Variants in RAB2A observed in about 807,000 individuals in gnomAD.
RAB2A encodes the protein RAB2A, member RAS oncogene family.
Under a neutral mutation model 32.5 loss-of-function variants are expected in RAB2A, and 7 were observed. That is an observed-to-expected ratio of 0.22 (90% CI 0.12 to 0.40). The LOEUF is 0.40. RAB2A is among the 10% of genes least tolerant of loss of function. The probability of loss-of-function intolerance (pLI) is 1.00; values close to 1 mark genes in which losing one functional copy is unlikely to be tolerated. For synonymous variants in RAB2A, 79 were observed against 85.2 expected (o/e 0.93, Z 0.40); for missense variants, 108 against 260.7 (o/e 0.41, Z 4.03).
intron 1 of RAB2A, among the ~76,000 whole-genome samples, chr8:60,520,376 G>T (rs1475468254): frequency 6.6e-6 from 1 of 152,142 alleles, no homozygotes; most frequent in Non-Finnish European, 1.5e-5. Context: ...GTGGAAAGTG[G>T]TTTTTAATAA....
chr8:60,538,694 A>C (rs963086385), intron 1 of RAB2A, among the ~76,000 whole-genome samples: 4 of 152,110 alleles, frequency 2.6e-5, no homozygotes, highest in Non-Finnish European at 5.9e-5. Context: ...TGGCCTGAGA[A>C]CTCCATGAAA....
At chr8:60,548,840 G>A (rs541375939) in intron 1 of RAB2A, among the ~76,000 whole-genome samples, 183 of 151,436 alleles carry the variant, frequency 1.2e-3, no homozygotes, top group African/African-American at 4.3e-3. Flanking sequence ...CCTCCCTCCC[G>A]GACGAGGTGG....
rs56406651 is a variant in RAB2A, at chr8:60,598,937, C to CAAAAAAAAAAAAAAAAAAAAAAA, written c.474+6975_474+6997dup. ...GGAAGTTCTAGCCAGTGCAGTAAAG[C>CAAAAAAAAAAAAAAAAAAAAAAA]AAAAAAAAAAAAAAAAAAAAAAAAA... On this transcript the variant is annotated intron_variant, in intron 6 of 7. Transcript: ENST00000262646. Among the ~76,000 whole-genome samples, 22 of 40,388 alleles carry CAAAAAAAAAAAAAAAAAAAAAAA rather than the reference C, an allele frequency of 5.4e-4. 3 individuals are homozygous for CAAAAAAAAAAAAAAAAAAAAAAA. The highest frequency in any genetic ancestry group is 1.5e-3 in the South Asian group (1 of 650). 26.5% of individuals were successfully genotyped at this position (40,388 alleles called of 152,430 possible).
At chr8:60,580,206 A>G (rs1803719716) in intron 3 of RAB2A, among the ~76,000 whole-genome samples, 1 of 151,380 alleles carries the variant, frequency 6.6e-6, no homozygotes. Flanking sequence ...CCAGTTGGTC[A>G]GGCTGGTCTC....
intron 2 of RAB2A, among the ~76,000 whole-genome samples, chr8:60,560,392 T>C (rs1157264318): frequency 6.6e-6 from 1 of 152,204 alleles, no homozygotes; most frequent in East Asian, 1.9e-4. Context: ...CTGGCCTGTT[T>C]AATGAGCTCT....
chr8:60,567,486 C>T (rs931718973), intron 2 of RAB2A, among the ~76,000 whole-genome samples: 2 of 152,018 alleles, frequency 1.3e-5, no homozygotes, highest in Non-Finnish European at 2.9e-5. Flanking sequence ...CTTGATCATC[C>T]TTGTGCATTT....
chr8:60,530,162 TGA>T (rs1157633045), intron 1 of RAB2A, among the ~76,000 whole-genome samples: 7 of 142,928 alleles, frequency 4.9e-5, no homozygotes, highest in Non-Finnish European at 7.5e-5. Flanking sequence ...TTTTTTTTTT[TGA>T]GAGAGAGAGA....
intron 1 of RAB2A, among the ~76,000 whole-genome samples, chr8:60,543,267 G>A (rs565007788): frequency 2.6e-5 from 4 of 152,342 alleles, no homozygotes; most frequent in Non-Finnish European, 4.4e-5. Flanking sequence ...TATTAGGTGT[G>A]TTCTCTCAGA....
chr8:60,562,808 A>C (rs1808044052), intron 2 of RAB2A, among the ~76,000 whole-genome samples: 1 of 152,150 alleles, frequency 6.6e-6, no homozygotes, highest in South Asian at 2.1e-4. Flanking sequence ...CCTCTGGAAG[A>C]GGAAGAGTAA....
rs1245946075 is a variant in RAB2A, at chr8:60,537,192, T to C, written c.46+19939T>C. On this transcript the variant is annotated intron_variant, in intron 1 of 7. Coordinates refer to ENST00000262646, the MANE Select transcript of RAB2A (RefSeq NM_002865.3). ...TATCTCTAAAACAAAAATTTCTAAG[T>C]GTTCTTATTCTAATCGTATAAATAT... Among the ~76,000 whole-genome samples the C allele has an allele frequency of 2.0e-5, 3 of 152,292 alleles. No individual in the cohort carries two copies. In the South Asian group the frequency reaches 6.2e-4, roughly 32 times the overall value.
intron 5 of RAB2A, among the ~76,000 whole-genome samples, chr8:60,588,695 A>G (rs1178286747): frequency 6.6e-6 from 1 of 152,212 alleles, no homozygotes; most frequent in Non-Finnish European, 1.5e-5. Flanking sequence ...ATGGATTACA[A>G]TGGAGTATGA....
intron 5 of RAB2A, among the ~76,000 whole-genome samples, chr8:60,586,099 A>G (rs1456756012): frequency 6.6e-6 from 1 of 152,136 alleles, no homozygotes; most frequent in Non-Finnish European, 1.5e-5. Context: ...CAGGAGTTCA[A>G]GATCAGCCCG....
At chr8:60,563,619 C>T (rs1002552662) in intron 2 of RAB2A, among the ~76,000 whole-genome samples, 4 of 152,134 alleles carry the variant, frequency 2.6e-5, no homozygotes, top group Non-Finnish European at 5.9e-5. Context: ...TCAGCTACTC[C>T]CTCCCATAGT....
Position 60,517,051 on chromosome 8 carries a change from T to G in RAB2A, c.-157T>G. On this transcript the variant is annotated 5_prime_UTR_variant, in exon 1 of 8. Transcript: ENST00000262646. ...CTCTGCGGGTGTCAGTTCGTCCGGCTTCCTCACAGCCCCTCACTCCCGGCG... is the reference window on the plus strand; with the variant it reads ...CTCTGCGGGTGTCAGTTCGTCCGGCGTCCTCACAGCCCCTCACTCCCGGCG... The G allele has an allele frequency of 1.5e-6, 1 of 652,810 alleles. No individual in the cohort carries two copies. Among genetic ancestry groups the G allele is most frequent in the Non-Finnish European group, 2.4e-6 (1 of 417,962 alleles). The allele number at this position is 652,810 out of a possible 1,614,324, so 40.4% of individuals were successfully genotyped here.
At chr8:60,603,698 T>C (rs905865131) in intron 6 of RAB2A, among the ~76,000 whole-genome samples, 5 of 152,180 alleles carry the variant, frequency 3.3e-5, no homozygotes, top group Non-Finnish European at 7.3e-5. Context: ...ATTCACTTAG[T>C]AATAGGAGGG....
At chr8:60,519,502 A>G (rs1807268459) in intron 1 of RAB2A, among the ~76,000 whole-genome samples, 1 of 152,194 alleles carries the variant, frequency 6.6e-6, no homozygotes, top group Non-Finnish European at 1.5e-5. Flanking sequence ...CTTCACAGTC[A>G]ACATATATTA....
At chr8:60,530,197 G>A (rs936851175) in intron 1 of RAB2A, among the ~76,000 whole-genome samples, 1 of 147,216 alleles carries the variant, frequency 6.8e-6, no homozygotes, top group African/African-American at 2.5e-5. Flanking sequence ...CACCCAGGCT[G>A]GAGTGCAGTG....
At chr8:60,569,918 T>G (rs1281785567) in intron 2 of RAB2A, 1 of 455,630 alleles carries the variant, frequency 2.2e-6, no homozygotes, top group East Asian at 7.0e-5. Context: ...GTATGGAACC[T>G]ACAGTAAGTT....
intron 2 of RAB2A, 31 bp from the exon 3 acceptor site, chr8:60,572,015 T>A: frequency 6.6e-7 from 1 of 1,524,484 alleles, no homozygotes; most frequent in South Asian, 1.1e-5. Context: ...TCCCACTAAT[T>A]TTGTAACAAA....
Sources: allele counts gnomAD v4.1 joint callset (sites outside exome capture counted in the v4.1 genomes callset), GRCh38; gene constraint gnomAD v4.1.1; transcripts MANE v1.5; gene names NCBI Gene and HGNC (gene_info 2026-07-23, HGNC 2026-07-21).